ACYP2: variants seen among roughly 807,000 people sequenced by gnomAD.
The protein encoded by ACYP2 is acylphosphatase 2.
In ACYP2, 12 loss-of-function variants were observed where a neutral mutation model predicts 11.2. The ratio of observed to expected loss-of-function variants is 1.08; its 90% CI spans 0.69 to 1.74. The LOEUF is 1.74. Ranked by LOEUF, ACYP2 falls within the 40% of genes most tolerant of loss-of-function variation. The pLI is 0.00. For missense variants in ACYP2, 134 were observed against 101.9 expected (o/e 1.31, Z -1.35); for synonymous variants, 43 against 32.2 (o/e 1.33, Z -1.13).
At chr2:54,223,036 T>C (rs1175102097) in intron 6 of ACYP2, 3 of 152,196 alleles carry the variant, frequency 2.0e-5, no homozygotes, top group Admixed American at 6.6e-5. Flanking sequence ...ATAGCCCAGA[T>C]ACCCAACAAC....
chr2:54,255,569 G>T (rs760946195), intron 6 of ACYP2: 5 of 1,179,888 alleles, frequency 4.2e-6, no homozygotes, highest in African/African-American at 4.1e-5. Flanking sequence ...ACGTTCAGGG[G>T]CCCGGGCCCG....
At chr2:54,033,413 G>C (rs939449837) in intron 2 of ACYP2, among the ~76,000 whole-genome samples, 1 of 151,476 alleles carries the variant, frequency 6.6e-6, no homozygotes, top group African/African-American at 2.4e-5. Flanking sequence ...GGGTCCCACT[G>C]TGTTGCCCAG....
At chr2:54,215,220 C>T (rs1234290590) in intron 6 of ACYP2, among the ~76,000 whole-genome samples, 1 of 152,110 alleles carries the variant, frequency 6.6e-6, no homozygotes, top group Non-Finnish European at 1.5e-5. Context: ...TCCTCTCCTC[C>T]TGTTTGGAAT....
chr2:54,112,587 T>G (rs1679516288), intron 4 of ACYP2, among the ~76,000 whole-genome samples: 1 of 152,228 alleles, frequency 6.6e-6, no homozygotes, highest in South Asian at 2.1e-4. Flanking sequence ...CCTGAATATG[T>G]AACAACAGGG....
chr2:53,987,135 A>C (rs1256749435), intron 2 of ACYP2, among the ~76,000 whole-genome samples: 1 of 152,186 alleles, frequency 6.6e-6, no homozygotes, highest in East Asian at 1.9e-4. Context: ...AAGCAAAACT[A>C]ATTTGTGATA....
At chr2:54,286,799 C>A (rs778770776) in intron 6 of ACYP2, among the ~76,000 whole-genome samples, 3 of 151,882 alleles carry the variant, frequency 2.0e-5, no homozygotes, top group Non-Finnish European at 4.4e-5. Flanking sequence ...CAAAGACAGG[C>A]CTAAAACAAA....
At chr2:54,195,402 C>T (rs1306786408) in intron 6 of ACYP2, among the ~76,000 whole-genome samples, 1 of 152,034 alleles carries the variant, frequency 6.6e-6, no homozygotes, top group Non-Finnish European at 1.5e-5. Context: ...AGATTTAATC[C>T]CTTAAGTAAG....
intron 6 of ACYP2, among the ~76,000 whole-genome samples, chr2:54,180,359 G>A (rs1029524232): frequency 2.0e-5 from 3 of 151,948 alleles, no homozygotes; most frequent in Admixed American, 6.6e-5. Flanking sequence ...GGAGGTTAGC[G>A]GGTGGGGCTG....
intron 6 of ACYP2, among the ~76,000 whole-genome samples, chr2:54,205,787 C>G (rs1685051561): frequency 6.6e-6 from 1 of 152,174 alleles, no homozygotes; most frequent in African/African-American, 2.4e-5. Flanking sequence ...TTAGTCTACA[C>G]AGATTTACCA....
At chr2:54,009,522 C>T (rs1490313766) in intron 2 of ACYP2, among the ~76,000 whole-genome samples, 3 of 151,998 alleles carry the variant, frequency 2.0e-5, no homozygotes, top group Non-Finnish European at 1.5e-5. Flanking sequence ...TGCAGTGAGC[C>T]AAGATTGCAT....
At chr2:54,076,013 A>G (rs190473376) in intron 4 of ACYP2, among the ~76,000 whole-genome samples, 2 of 152,202 alleles carry the variant, frequency 1.3e-5, no homozygotes, top group East Asian at 3.9e-4. Context: ...TTGATTTTAG[A>G]TTTAATATTG....
In ACYP2 at chr2:54,144,317, T is replaced by C. The variant is rs141665024; in HGVS notation, c.404+5569T>C. On this transcript the variant is annotated intron_variant, in intron 6 of 6. Coordinates refer to ENST00000607452, the MANE Select transcript of ACYP2 (RefSeq NM_001320586.2). Reference sequence around the variant, plus strand: ...TTTTCCAGATGTTCTTGGATTCCTTTTTATTTTGCTAGGAAATTATCCAAT... The same window carrying C: ...TTTTCCAGATGTTCTTGGATTCCTTCTTATTTTGCTAGGAAATTATCCAAT... Among the ~76,000 whole-genome samples, 132 of 152,260 alleles carry C rather than the reference T, an allele frequency of 8.7e-4. 1 individual carries two copies. Among genetic ancestry groups the C allele is most frequent in the African/African-American group, 3.1e-3 (129 of 41,546 alleles).
intron 6 of ACYP2, among the ~76,000 whole-genome samples, chr2:54,278,002 C>T (rs1043897846): frequency 2.6e-5 from 4 of 152,228 alleles, no homozygotes; most frequent in East Asian, 1.9e-4. Context: ...TTATTTATGA[C>T]GGAGTCTCGC....
chr2:54,086,346 C>A (rs1677946569), intron 4 of ACYP2, among the ~76,000 whole-genome samples: 1 of 152,098 alleles, frequency 6.6e-6, no homozygotes, highest in East Asian at 1.9e-4. Flanking sequence ...AGGCCTTGTT[C>A]CTCTAAAACC....
At chr2:54,232,887 A>G (rs1686298965) in intron 6 of ACYP2, among the ~76,000 whole-genome samples, 1 of 152,148 alleles carries the variant, frequency 6.6e-6, no homozygotes, top group African/African-American at 2.4e-5. Flanking sequence ...CTCCCTTGAC[A>G]TATAGGGATT....
At chr2:54,256,380 T>TA in intron 6 of ACYP2, 1 of 538,634 alleles carries the variant, frequency 1.9e-6, no homozygotes, top group Non-Finnish European at 3.4e-6. Context: ...TGAGTAATGA[T>TA]ATTACATGGT....
chr2:54,284,591 T>A (rs1031141164), intron 6 of ACYP2, among the ~76,000 whole-genome samples: 1 of 152,226 alleles, frequency 6.6e-6, no homozygotes. Context: ...ATCACCTTTT[T>A]TTTTATCCCA....
chr2:54,219,588 A>G (rs1178518051), intron 6 of ACYP2, among the ~76,000 whole-genome samples: 5 of 152,148 alleles, frequency 3.3e-5, no homozygotes, highest in Non-Finnish European at 5.9e-5. Flanking sequence ...CTAATGTTAT[A>G]TCTCCTACCC....
chr2:54,171,823 T>G (rs1683232572), intron 6 of ACYP2, among the ~76,000 whole-genome samples: 1 of 152,194 alleles, frequency 6.6e-6, no homozygotes, highest in African/African-American at 2.4e-5. Context: ...TTAATACATT[T>G]CTAATTACAG....
Sources: allele counts gnomAD v4.1 joint callset (sites outside exome capture counted in the v4.1 genomes callset), GRCh38; gene constraint gnomAD v4.1.1; transcripts MANE v1.5; gene names NCBI Gene and HGNC (gene_info 2026-07-23, HGNC 2026-07-21).